Variants in ROBO1 observed in about 807,000 individuals in gnomAD.
ROBO1 encodes roundabout guidance receptor 1.
ROBO1 carries 149 observed loss-of-function variants against 195.9 expected under a neutral mutation model. The observed-to-expected ratio is 0.76, with a 90% CI of 0.67 to 0.87. The LOEUF is 0.87. Ranked by LOEUF, ROBO1 falls within the 40% of genes least tolerant of loss-of-function variation. ROBO1 has a pLI of 0.00. For synonymous variants in ROBO1, 816 were observed against 733.2 expected, an observed-to-expected ratio of 1.11 and a Z score of -1.82; for missense variants, 1,933 against 2,068.3, an observed-to-expected ratio of 0.93 and a Z score of 1.27.
chr3:79,182,359 A>C (rs938264504), intron 2 of ROBO1, among the ~76,000 whole-genome samples: 3 of 152,176 alleles, frequency 2.0e-5, no homozygotes, highest in African/African-American at 7.2e-5. Context: ...TTCCCCTCTT[A>C]GCATTTGTCT....
chr3:78,875,730 G>A (rs768374001), intron 4 of ROBO1, among the ~76,000 whole-genome samples: 4 of 152,002 alleles, frequency 2.6e-5, no homozygotes, highest in South Asian at 2.1e-4. Context: ...GAAGCAAAAC[G>A]TTACAGAGAG....
intron 2 of ROBO1, among the ~76,000 whole-genome samples, chr3:79,246,661 A>G (rs2082629355): frequency 6.6e-6 from 1 of 151,980 alleles, no homozygotes; most frequent in Non-Finnish European, 1.5e-5. Context: ...TGTGACCTTG[A>G]GCTATTGCTT....
chr3:79,588,038 A>G (rs1943883445), intron 2 of ROBO1, among the ~76,000 whole-genome samples: 1 of 151,718 alleles, frequency 6.6e-6, no homozygotes, highest in Admixed American at 6.6e-5. Flanking sequence ...TTTTTAAGAC[A>G]GTGTTGCCTC....
chr3:79,491,942 T>C (rs1241808414), intron 2 of ROBO1, among the ~76,000 whole-genome samples: 1 of 152,108 alleles, frequency 6.6e-6, no homozygotes, highest in African/African-American at 2.4e-5. Flanking sequence ...TTGACAATGC[T>C]TACAGCAGTA....
chr3:79,506,696 G>A (rs1003683639), intron 2 of ROBO1, among the ~76,000 whole-genome samples: 2 of 152,200 alleles, frequency 1.3e-5, no homozygotes, highest in East Asian at 3.8e-4. Context: ...ACCCGCCTTG[G>A]CCTCCCAAAG....
chr3:79,087,275 A>T (rs768737543), intron 3 of ROBO1, among the ~76,000 whole-genome samples: 2 of 152,256 alleles, frequency 1.3e-5, no homozygotes, highest in South Asian at 2.1e-4. Context: ...TTTAGAAATT[A>T]TAATGTCTTG....
At chr3:79,717,221 G>A (rs992712339) in intron 1 of ROBO1, among the ~76,000 whole-genome samples, 2 of 146,076 alleles carry the variant, frequency 1.4e-5, no homozygotes, top group Admixed American at 1.3e-4. Flanking sequence ...TTGTTTTTCT[G>A]AATTTAGAGC....
At chr3:79,577,684 T>G (rs1943531402) in intron 2 of ROBO1, among the ~76,000 whole-genome samples, 1 of 150,922 alleles carries the variant, frequency 6.6e-6, no homozygotes, top group South Asian at 2.1e-4. Flanking sequence ...GAGACCAGTC[T>G]GACCAACATG....
chr3:78,852,796 C>G (rs901444436), intron 4 of ROBO1, among the ~76,000 whole-genome samples: 1 of 152,086 alleles, frequency 6.6e-6, no homozygotes, highest in African/African-American at 2.4e-5. Context: ...TTCATAATAA[C>G]TGTGTGACAA....
intron 2 of ROBO1, among the ~76,000 whole-genome samples, chr3:79,140,064 A>T (rs1174384936): frequency 6.6e-6 from 1 of 152,154 alleles, no homozygotes; most frequent in Non-Finnish European, 1.5e-5. Flanking sequence ...TCCCTTTTGT[A>T]GATGTAGCTA....
intron 2 of ROBO1, among the ~76,000 whole-genome samples, chr3:79,443,200 C>T (rs1411091634): frequency 6.6e-6 from 1 of 152,072 alleles, no homozygotes; most frequent in Non-Finnish European, 1.5e-5. Context: ...AATTATGTAC[C>T]TTAAAACCGA....
chr3:79,638,733 A>G (rs941003780), intron 1 of ROBO1, among the ~76,000 whole-genome samples: 2 of 152,218 alleles, frequency 1.3e-5, no homozygotes, highest in African/African-American at 2.4e-5. Context: ...ACTAATACTG[A>G]TGAAATATTC....
intron 3 of ROBO1, among the ~76,000 whole-genome samples, chr3:79,024,868 A>C (rs1442904846): frequency 2.0e-5 from 3 of 152,110 alleles, no homozygotes; most frequent in Non-Finnish European, 2.9e-5. Context: ...TTACTGAGAA[A>C]GACCATATGT....
intron 4 of ROBO1, among the ~76,000 whole-genome samples, chr3:78,815,992 A>G (rs1346925464): frequency 6.6e-6 from 1 of 152,170 alleles, no homozygotes; most frequent in African/African-American, 2.4e-5. Flanking sequence ...AGGTGGCTAC[A>G]GTAAGCAACA....
chr3:79,547,734 A>G (rs1942322796), intron 2 of ROBO1, among the ~76,000 whole-genome samples: 1 of 152,176 alleles, frequency 6.6e-6, no homozygotes, highest in Admixed American at 6.5e-5. Flanking sequence ...AAACATTAAC[A>G]TTTCTAGAAA....
At chr3:79,200,375 T>G (rs1377371580) in intron 2 of ROBO1, among the ~76,000 whole-genome samples, 1 of 151,794 alleles carries the variant, frequency 6.6e-6, no homozygotes. Flanking sequence ...TAGCTATTGA[T>G]AGAAAACAGT....
intron 2 of ROBO1, among the ~76,000 whole-genome samples, chr3:79,393,399 T>C (rs1160748770): frequency 6.6e-6 from 1 of 152,198 alleles, no homozygotes; most frequent in Non-Finnish European, 1.5e-5. Context: ...GGTTGAGAAA[T>C]AGCCAGCATT....
At chr3:79,740,888 T>A (rs2107420379) in intron 1 of ROBO1, among the ~76,000 whole-genome samples, 1 of 152,316 alleles carries the variant, frequency 6.6e-6, no homozygotes, top group East Asian at 1.9e-4. Flanking sequence ...TATCTAAAAA[T>A]TATTAAAATA....
chr3:79,750,132 T>C (rs1442069636), intron 1 of ROBO1, among the ~76,000 whole-genome samples: 1 of 152,244 alleles, frequency 6.6e-6, no homozygotes, highest in Non-Finnish European at 1.5e-5. Context: ...ATGTGAGGCA[T>C]GGAGTCAAAG....
Sources: gnomAD v4.1 joint callset for allele counts (sites outside exome capture counted in the v4.1 genomes callset) on GRCh38, gnomAD v4.1.1 for gene constraint, MANE v1.5 for transcripts, NCBI Gene and HGNC (gene_info 2026-07-23, HGNC 2026-07-21) for gene names.